DGKB: variants seen among roughly 807,000 people sequenced by gnomAD.
The protein encoded by DGKB is 90 kDa diacylglycerol kinase.
A neutral mutation model predicts 114.3 loss-of-function variants in DGKB; 67 were observed. That is an observed-to-expected ratio of 0.59 (90% confidence interval 0.48 to 0.72). DGKB has a LOEUF of 0.72. DGKB is among the 30% of genes least tolerant of loss of function. The pLI is 0.00. For synonymous variants in DGKB, 398 were observed against 323.1 expected (o/e 1.23, Z -2.49); for missense variants, 907 against 975.2 (o/e 0.93, Z 0.93).
At chr7:14,805,482 C>T (rs1332743159) in intron 2 of DGKB, among the ~76,000 whole-genome samples, 1 of 152,054 alleles carries the variant, frequency 6.6e-6, no homozygotes, top group African/African-American at 2.4e-5. Flanking sequence ...GACCTTTGAA[C>T]CTGCTTCTGG....
intron 20 of DGKB, among the ~76,000 whole-genome samples, chr7:14,507,044 C>T (rs139657399): frequency 9.5e-4 from 145 of 152,220 alleles, no homozygotes; most frequent in African/African-American, 3.3e-3. Context: ...GCTGCAAGTG[C>T]CTGATGTCTG....
At chr7:14,725,436 C>A (rs1014274287) in intron 5 of DGKB, among the ~76,000 whole-genome samples, 1 of 151,846 alleles carries the variant, frequency 6.6e-6, no homozygotes, top group African/African-American at 2.4e-5. Flanking sequence ...ATTAAAAGAG[C>A]CCATGATGCC....
chr7:14,487,414 G>T (rs545838821), intron 20 of DGKB, among the ~76,000 whole-genome samples: 1 of 152,022 alleles, frequency 6.6e-6, no homozygotes, highest in Non-Finnish European at 1.5e-5. Context: ...GGACCAATAA[G>T]CATAAAAGGA....
chr7:14,842,402 T>A (rs985166516), intron 1 of DGKB, among the ~76,000 whole-genome samples: 3 of 152,126 alleles, frequency 2.0e-5, no homozygotes, highest in African/African-American at 7.2e-5. Flanking sequence ...TCTCGTGGGG[T>A]CACGTCCCTG....
intron 12 of DGKB, among the ~76,000 whole-genome samples, chr7:14,679,800 T>C (rs73680178): frequency 1.9e-3 from 287 of 152,182 alleles, no homozygotes; most frequent in African/African-American, 6.3e-3. Context: ...GAAATTTTCA[T>C]GCAATGGTTC....
At chr7:14,271,021 C>A (rs1437493573) in intron 23 of DGKB, among the ~76,000 whole-genome samples, 1 of 152,150 alleles carries the variant, frequency 6.6e-6, no homozygotes, top group Non-Finnish European at 1.5e-5. Context: ...TGTTACAATA[C>A]AGGTACAAGC....
chr7:14,427,797 T>C (rs1463792797), intron 21 of DGKB, among the ~76,000 whole-genome samples: 2 of 152,018 alleles, frequency 1.3e-5, no homozygotes, highest in Non-Finnish European at 1.5e-5. Context: ...TTCAGTTACC[T>C]CCCACCAGGT....
chr7:14,845,916 T>G (rs1221679968), intron 1 of DGKB, among the ~76,000 whole-genome samples: 1 of 152,162 alleles, frequency 6.6e-6, no homozygotes, highest in South Asian at 2.1e-4. Flanking sequence ...GTGAATTTTT[T>G]AAGTAAAACT....
intron 25 of DGKB, among the ~76,000 whole-genome samples, chr7:14,152,884 T>C (rs1782433505): frequency 6.6e-6 from 1 of 152,110 alleles, no homozygotes; most frequent in Admixed American, 6.6e-5. Flanking sequence ...TACTGTGTGC[T>C]GAGCATTTTG....
chr7:14,153,646 C>CT (rs1256614922), intron 25 of DGKB, among the ~76,000 whole-genome samples: 3 of 152,018 alleles, frequency 2.0e-5, no homozygotes, highest in South Asian at 4.1e-4. Flanking sequence ...CATTCCCTCT[C>CT]TTTTTTGCCA....
intron 16 of DGKB, among the ~76,000 whole-genome samples, chr7:14,611,588 G>C (rs375592235): frequency 6.6e-6 from 1 of 151,950 alleles, no homozygotes; most frequent in Non-Finnish European, 1.5e-5. Flanking sequence ...ATTTGACTTC[G>C]CGTGGTCCCA....
intron 2 of DGKB, among the ~76,000 whole-genome samples, chr7:14,786,416 C>T (rs1839900765): frequency 6.6e-6 from 1 of 152,160 alleles, no homozygotes; most frequent in Non-Finnish European, 1.5e-5. Context: ...CTGATCAACT[C>T]CTGTAAAATT....
At chr7:14,957,547 T>G (rs117788863) in intron 1 of DGKB, among the ~76,000 whole-genome samples, 4,236 of 152,110 alleles carry the variant, frequency 0.028, 101 homozygotes, top group Middle Eastern at 0.095. Context: ...ATGAATATAT[T>G]TCCTGAGGCT....
chr7:14,326,249 G>A (rs1326716274), intron 23 of DGKB, among the ~76,000 whole-genome samples: 2 of 151,960 alleles, frequency 1.3e-5, no homozygotes, highest in Non-Finnish European at 2.9e-5. Context: ...GGTAAGTTGA[G>A]AATTCTAATA....
intron 13 of DGKB, among the ~76,000 whole-genome samples, chr7:14,653,673 A>G (rs186922761): frequency 4.5e-4 from 69 of 152,030 alleles, no homozygotes; most frequent in African/African-American, 1.6e-3. Context: ...AAAAAAGATA[A>G]TTCACCATGA....
chr7:14,355,379 G>GT (rs1814251417), intron 21 of DGKB, among the ~76,000 whole-genome samples: 1 of 152,216 alleles, frequency 6.6e-6, no homozygotes, highest in Non-Finnish European at 1.5e-5. Context: ...AATGCTTCCA[G>GT]TTTTTGCTCA....
At chr7:14,825,146 G>C (rs1297025660) in intron 2 of DGKB, among the ~76,000 whole-genome samples, 5 of 150,036 alleles carry the variant, frequency 3.3e-5, no homozygotes, top group Non-Finnish European at 7.4e-5. Flanking sequence ...TGAAATGTCT[G>C]GCATGCAATT....
chr7:14,926,481 A>C (rs1587395588), intron 1 of DGKB, among the ~76,000 whole-genome samples: 1 of 148,358 alleles, frequency 6.7e-6, no homozygotes, highest in South Asian at 2.1e-4. Context: ...ATTGCTTTGC[A>C]TTATGTTTAG....
chr7:14,872,706 T>C (rs1369526189), intron 1 of DGKB, among the ~76,000 whole-genome samples: 2 of 151,956 alleles, frequency 1.3e-5, no homozygotes, highest in Non-Finnish European at 1.5e-5. Context: ...CAAGGTTTCT[T>C]TACTCAAGGA....
Sources: gnomAD v4.1 joint callset for allele counts (sites outside exome capture counted in the v4.1 genomes callset) on GRCh38, gnomAD v4.1.1 for gene constraint, MANE v1.5 for transcripts, NCBI Gene and HGNC (gene_info 2026-07-23, HGNC 2026-07-21) for gene names.